ZNF678: variants seen among roughly 807,000 people sequenced by gnomAD.
ZNF678 encodes hypothetical protein MGC42493.
ZNF678 carries 5 observed loss-of-function variants against 3.0 expected under a neutral mutation model. The ratio of observed to expected loss-of-function variants is 1.69; its 90% CI spans 0.88 to 3.56. The LOEUF (loss-of-function observed/expected upper bound fraction) is 3.56. Ranked by LOEUF, ZNF678 falls within the 30% of genes most tolerant of loss-of-function variation. The pLI is 0.00. For missense variants in ZNF678, 593 were observed against 605.0 expected (o/e 0.98, Z 0.21); for synonymous variants, 218 against 199.6 (o/e 1.09, Z -0.78).
chr1:227,624,485 T>TGC (rs1237980261), intron 1 of ZNF678, among the ~76,000 whole-genome samples: 1 of 152,240 alleles, frequency 6.6e-6, no homozygotes, highest in African/African-American at 2.4e-5. Context: ...ACTGAAGGCA[T>TGC]GGCAGAGAGC....
intron 1 of ZNF678, among the ~76,000 whole-genome samples, chr1:227,576,631 CT>C (rs1261794655): frequency 6.6e-6 from 1 of 151,964 alleles, no homozygotes; most frequent in African/African-American, 2.4e-5. Context: ...AATCTTCTCT[CT>C]TTTTTACTTT....
At position 227,632,327 on chromosome 1, in the gene ZNF678, G is replaced by T. The variant is rs186173348; in HGVS notation, c.-163-14217G>T. ...ACGCATTAGTACCTAGGAGGCAGGG[G>T]TCGGAGGAAGTAGATTCAGAGGTAA... On this transcript the variant is annotated intron_variant, in intron 1 of 3. Coordinates refer to ENST00000343776, the MANE Select transcript of ZNF678 (RefSeq NM_001367909.1). 3.4e-4 allele frequency among the ~76,000 whole-genome samples: 52 copies of T among 152,282 alleles called. No individual in the cohort carries two copies. In the East Asian group the frequency reaches 9.7e-3, roughly 28 times the overall value.
intron 1 of ZNF678, among the ~76,000 whole-genome samples, chr1:227,589,134 C>G (rs970772538): frequency 6.8e-6 from 1 of 147,998 alleles, no homozygotes; most frequent in African/African-American, 2.5e-5. Context: ...TGCAGAAGCT[C>G]TTTAGTTTAA....
chr1:227,657,154 G>C lies in ZNF678; in HGVS notation c.*1326G>C, dbSNP rs147274185. The C allele has an allele frequency of 6.6e-6, 1 of 152,048 alleles. No homozygotes were observed. Among genetic ancestry groups the C allele is most frequent in the African/African-American group, 2.4e-5 (1 of 41,522 alleles). 9.4% of individuals were successfully genotyped at this position (152,048 alleles called of 1,614,324 possible). A position where few individuals can be genotyped will look rare whatever the true frequency, so the allele number is the denominator to read the frequency against. On this transcript the variant is annotated 3_prime_UTR_variant, in exon 4 of 4. Transcript: ENST00000343776. ...ATGGATTGGTGTTCTTACCACTGCAGTTAGTGTGTTCTCTGTTAGTTCATG... is the reference window on the plus strand; with the variant it reads ...ATGGATTGGTGTTCTTACCACTGCACTTAGTGTGTTCTCTGTTAGTTCATG...
At chr1:227,669,884 A>G (rs1345158952) in intron 5 of ZNF678, among the ~76,000 whole-genome samples, 2 of 152,246 alleles carry the variant, frequency 1.3e-5, no homozygotes, top group East Asian at 1.9e-4. Context: ...TATTATACCA[A>G]TAAGACACAT....
intron 1 of ZNF678, among the ~76,000 whole-genome samples, chr1:227,580,138 C>T (rs1158897602): frequency 3.3e-5 from 5 of 152,086 alleles, no homozygotes; most frequent in Admixed American, 2.6e-4. Context: ...AAATGAGTCC[C>T]GGTGTACAGT....
rs1172702600 is a variant in ZNF678 at position 227,659,530 on chromosome 1, A to G, written c.*3702A>G. The G allele has an allele frequency of 3.3e-5, 5 of 152,192 alleles. No homozygotes were observed. Among genetic ancestry groups the G allele is most frequent in the African/African-American group, 1.2e-4 (5 of 41,442 alleles). The allele number at this position is 152,192 out of a possible 1,614,324, so 9.4% of individuals were successfully genotyped here. On this transcript the variant is annotated 3_prime_UTR_variant, in exon 4 of 4. Coordinates refer to ENST00000343776, the MANE Select transcript of ZNF678 (RefSeq NM_001367909.1). The stretch of plus-strand genomic sequence containing the variant: ...GTGTCCCAAACTTAAAGTGAAAGCC[A>G]TAGAGTCCTTTGGTGACTCCCATGT...
In ZNF678 at chr1:227,659,522, T is replaced by G. The variant is rs1558160680; in HGVS notation, c.*3694T>G. 1 of 152,146 alleles carries G rather than the reference T, an allele frequency of 6.6e-6. No individual in the cohort carries two copies. The highest frequency in any genetic ancestry group is 1.5e-5 in the Non-Finnish European group (1 of 68,030). The allele number at this position is 152,146 out of a possible 1,614,324, so 9.4% of individuals were successfully genotyped here. Reference sequence around the variant, plus strand: ...AACTCCAGGTGTCCCAAACTTAAAGTGAAAGCCATAGAGTCCTTTGGTGAC... The same window carrying G: ...AACTCCAGGTGTCCCAAACTTAAAGGGAAAGCCATAGAGTCCTTTGGTGAC... On this transcript the variant is annotated 3_prime_UTR_variant, in exon 4 of 4. Coordinates refer to ENST00000343776, the MANE Select transcript of ZNF678 (RefSeq NM_001367909.1).
At chr1:227,600,333 G>A (rs561048979) in intron 1 of ZNF678, among the ~76,000 whole-genome samples, 2 of 152,290 alleles carry the variant, frequency 1.3e-5, no homozygotes, top group Admixed American at 1.3e-4. Flanking sequence ...CCCAGTAATG[G>A]GATTGCTGGG....
intron 1 of ZNF678, among the ~76,000 whole-genome samples, chr1:227,616,953 A>G (rs1658157446): frequency 6.6e-6 from 1 of 152,194 alleles, no homozygotes; most frequent in African/African-American, 2.4e-5. Flanking sequence ...AGGCTGCTGT[A>G]CAAGGTGCTC....
intron 1 of ZNF678, among the ~76,000 whole-genome samples, chr1:227,577,055 G>C (rs1240220110): frequency 6.6e-6 from 1 of 152,172 alleles, no homozygotes; most frequent in Non-Finnish European, 1.5e-5. Context: ...GAATGGTTTT[G>C]AGTGAATTTC....
At chr1:227,577,376 C>T (rs1296766474) in intron 1 of ZNF678, among the ~76,000 whole-genome samples, 1 of 152,138 alleles carries the variant, frequency 6.6e-6, no homozygotes, top group African/African-American at 2.4e-5. Context: ...GTCTAAATTT[C>T]TTTGAAGGTC....
chr1:227,580,446 AT>A (rs1471538948), intron 1 of ZNF678, among the ~76,000 whole-genome samples: 1 of 152,230 alleles, frequency 6.6e-6, no homozygotes, highest in African/African-American at 2.4e-5. Flanking sequence ...AATTATATCC[AT>A]ATTTCTGGAA....
Position 227,661,223 on chromosome 1 carries a change from C to A in ZNF678, c.*5395C>A, listed in dbSNP as rs1249931942. The A allele has an allele frequency of 6.6e-6, 1 of 152,128 alleles. No homozygotes were observed. Among genetic ancestry groups the A allele is most frequent in the African/African-American group, 2.4e-5 (1 of 41,418 alleles). 9.4% of individuals were successfully genotyped at this position (152,128 alleles called of 1,614,324 possible). ...ATGTGTGTGTGTTGACTAAATAAAT[C>A]TCAACCAGAACCTTCTCAGATATTT... On this transcript the variant is annotated 3_prime_UTR_variant, in exon 4 of 4. Transcript: ENST00000343776.
At chr1:227,577,727 C>T (rs1405103222) in intron 1 of ZNF678, among the ~76,000 whole-genome samples, 5 of 152,154 alleles carry the variant, frequency 3.3e-5, no homozygotes, top group Middle Eastern at 3.4e-3. Context: ...GGCATTTAGT[C>T]CATTTCCATT....
intron 1 of ZNF678, among the ~76,000 whole-genome samples, chr1:227,600,962 G>A (rs1426517432): frequency 6.6e-6 from 1 of 152,150 alleles, no homozygotes; most frequent in African/African-American, 2.4e-5. Context: ...GTTTAAAGAA[G>A]GGGTCCCGTT....
chr1:227,646,722 A>AT (rs1400101357), intron 2 of ZNF678, 52 bp downstream of exon 2: 3 of 1,333,860 alleles, frequency 2.2e-6, no homozygotes, highest in Non-Finnish European at 3.0e-6. Context: ...CGGATTCCAT[A>AT]TTTTTCACTC....
At chr1:227,598,770 C>G (rs1187569854) in intron 1 of ZNF678, 2 of 529,908 alleles carry the variant, frequency 3.8e-6, no homozygotes, top group Non-Finnish European at 7.0e-6. Flanking sequence ...CTTTTTCTTT[C>G]TCTGTTTTCC....
Position 227,574,605 on chromosome 1 carries a change from G to C in ZNF678, c.-164+10881G>C, listed in dbSNP as rs149006239. Among the ~76,000 whole-genome samples, 675 of 152,204 alleles carry C rather than the reference G, an allele frequency of 4.4e-3. 2 individuals carry two copies. The highest frequency in any genetic ancestry group is 0.015 in the African/African-American group (624 of 41,538). ...GTTTGCAACAGTTTTCTCCCATTCT[G>C]TAGGTTGTCTGTTCCTCTGTTGATA... On this transcript the variant is annotated intron_variant, in intron 1 of 3. Coordinates refer to ENST00000343776, the MANE Select transcript of ZNF678 (RefSeq NM_001367909.1).
Sources: allele counts gnomAD v4.1 joint callset (sites outside exome capture counted in the v4.1 genomes callset), GRCh38; gene constraint gnomAD v4.1.1; transcripts MANE v1.5; gene names NCBI Gene and HGNC (gene_info 2026-07-23, HGNC 2026-07-21).